The following NAGK variants were observed in gnomAD, a reference collection of about 807,000 sequenced individuals.
The protein encoded by NAGK is N-acetylglucosamine kinase, also known as N-acetyl-D-glucosamine kinase.
Under a neutral mutation model 42.9 loss-of-function variants are expected in NAGK, and 35 were observed. The ratio of observed to expected loss-of-function variants is 0.82; its 90% CI spans 0.62 to 1.08. The LOEUF (loss-of-function observed/expected upper bound fraction) is 1.08, where lower values mean the gene tolerates loss of function less well. Ranked by LOEUF, NAGK falls within the 50% of genes least tolerant of loss-of-function variation. NAGK has a pLI of 0.00. For missense variants in NAGK, 446 were observed against 446.0 expected (o/e 1.00, Z 0.00); for synonymous variants, 172 against 176.0 (o/e 0.98, Z 0.18).
chr2:71,069,125 T>G lies in NAGK; in HGVS notation c.29+413T>G, dbSNP rs2009953. 0.022 allele frequency: 22,253 copies of G among 1,001,496 alleles called. 1,386 individuals are homozygous for G. The East Asian group carries it at 0.46, about 21-fold the overall frequency. 62.0% of individuals were successfully genotyped at this position (1,001,496 alleles called of 1,614,324 possible). A position where few individuals can be genotyped will look rare whatever the true frequency, so the allele number is the denominator to read the frequency against. ...AGTGGGGAGAAGCGGGACAAAGATC[T>G]TGGCTGAGGTTATCCGGGAGCTGGA... On this transcript the variant is annotated intron_variant, in intron 1 of 9. Transcript: ENST00000244204.
At chr2:71,073,673 A>G in intron 6 of NAGK, 79 bp downstream of exon 6, 1 of 1,224,896 alleles carries the variant, frequency 8.2e-7, no homozygotes, top group Non-Finnish European at 1.2e-6. Context: ...GATGCAGGGG[A>G]GGGCCTGGGC....
chr2:71,077,499 G>A (rs1008934039), intron 8 of NAGK, 59 bp from the exon 9 acceptor site: 35 of 1,527,462 alleles, frequency 2.3e-5, no homozygotes, highest in Admixed American at 7.7e-5. Flanking sequence ...GGAAACTCCC[G>A]CCTTCAGCAC....
intron 8 of NAGK, 140 bp from the exon 9 acceptor site, chr2:71,077,417 TC>T (rs748181128): frequency 5.7e-5 from 42 of 731,642 alleles, no homozygotes; most frequent in Non-Finnish European, 9.0e-5. Context: ...CCTTTTTTTT[TC>T]CCCTTTCCTG....
chr2:71,077,527 C>T (rs1420348277), intron 8 of NAGK, 31 bp from the exon 9 acceptor site: 1 of 1,579,524 alleles, frequency 6.3e-7, no homozygotes, highest in Non-Finnish European at 8.6e-7. Context: ...GCTAGGTTGG[C>T]CCCCATATCC....
In NAGK at chr2:71,073,464, C is replaced by T. The variant is rs1386300390; in HGVS notation, c.467-18C>T. On this transcript the variant is annotated intron_variant, in intron 5 of 9. Transcript: ENST00000244204. ...GGATGACTGCTCCCATCTTCTTAGC[C>T]CTCTCTGCTCCCTGCAGCCTACTGG... 1 of 1,574,886 alleles carries T rather than the reference C, an allele frequency of 6.3e-7. No individual in the cohort carries two copies. Among genetic ancestry groups the T allele is most frequent in the Non-Finnish European group, 8.7e-7 (1 of 1,144,460 alleles).
At chr2:71,071,610 A>C (rs908572840) in intron 3 of NAGK, 76 bp from the exon 4 acceptor site, 2 of 1,509,246 alleles carry the variant, frequency 1.3e-6, no homozygotes, top group Non-Finnish European at 1.8e-6. Flanking sequence ...GGAATCAGGC[A>C]TCAGGAGGGG....
At position 71,076,818 on chromosome 2, in the gene NAGK, T is replaced by G. The variant is rs2103719171; in HGVS notation, c.765+117T>G. The G allele has an allele frequency of 3.4e-6, 3 of 881,066 alleles. No individual in the cohort carries two copies. The Admixed American group carries it at 8.0e-5, about 23-fold the overall frequency. The allele number at this position is 881,066 out of a possible 1,614,324, so 54.6% of individuals were successfully genotyped here. A position where few individuals can be genotyped will look rare whatever the true frequency, so the allele number is the denominator to read the frequency against. ...AGATTGGATACTATTTTAAATGAACTTAGGGTCTAAGAAGCATTCTGCAGA... is the reference window on the plus strand; with the variant it reads ...AGATTGGATACTATTTTAAATGAACGTAGGGTCTAAGAAGCATTCTGCAGA... On this transcript the variant is annotated intron_variant, in intron 8 of 9. Coordinates refer to ENST00000244204, the MANE Select transcript of NAGK (RefSeq NM_017567.6).
intron 9 of NAGK, 94 bp downstream of exon 9, chr2:71,077,730 T>C: frequency 3.6e-6 from 5 of 1,378,356 alleles, no homozygotes; most frequent in Non-Finnish European, 5.0e-6. Context: ...GAGAACCTGC[T>C]TCCTGGACCC....
At chr2:71,070,641 A>G (rs548993559) in intron 2 of NAGK, 55 bp downstream of exon 2, 2 of 1,606,488 alleles carry the variant, frequency 1.2e-6, no homozygotes, top group East Asian at 4.5e-5. Context: ...ATTCTCTGTA[A>G]TTCCTGTTGA....
chr2:71,071,974 C>A, intron 4 of NAGK, 147 bp downstream of exon 4: 1 of 1,156,676 alleles, frequency 8.6e-7, no homozygotes, highest in Non-Finnish European at 1.2e-6. Flanking sequence ...TAAGTCTCTG[C>A]CAGAGCAAGG....
chr2:71,077,667 G>T, intron 9 of NAGK, 31 bp downstream of exon 9: 1 of 1,580,114 alleles, frequency 6.3e-7, no homozygotes. Flanking sequence ...GAAGGGCAAG[G>T]GCAGGGGACG....
chr2:71,076,558 TC>T lies in NAGK; in HGVS notation c.668-43del, dbSNP rs749975296. On this transcript the variant is annotated intron_variant, in intron 7 of 9. Coordinates refer to ENST00000244204, the MANE Select transcript of NAGK (RefSeq NM_017567.6). ...GAGAGGATAGCCCAGGAATGGCAGC[TC>T]CCTCCTTTCTCACCAGTTTCCTTCT... The T allele has an allele frequency of 8.8e-6, 13 of 1,469,968 alleles. No individual in the cohort carries two copies. In the East Asian group the frequency reaches 3.0e-4, roughly 34 times the overall value. The allele number at this position is 1,469,968 out of a possible 1,614,324, so 91.1% of individuals were successfully genotyped here.
intron 1 of NAGK, chr2:71,069,159 G>A: frequency 6.3e-6 from 6 of 956,236 alleles, no homozygotes; most frequent in Non-Finnish European, 7.5e-6. Flanking sequence ...GAGCAGCTGC[G>A]AGCCAGAGTA....
chr2:71,070,762 G>A lies in NAGK; in HGVS notation c.136G>A (p.Val46Met), dbSNP rs1671972915. Residue 46 changes from valine (V) to methionine (M), a missense_variant, in exon 3 of 10, where the codon GTG becomes ATG. Physicochemically the swap from Val to Met is conservative, Grantham distance 21. Transcript: ENST00000244204. ...NHWLIGTDKCVERINEMVNRA... is the reference protein window; with the variant it reads ...NHWLIGTDKCMERINEMVNRA... ...CCAGCTGATCGGGACAGACAAGTGTGTGGAGAGGATCAATGAGATGGTGAA... is the reference window on the plus strand; with the variant it reads ...CCAGCTGATCGGGACAGACAAGTGTATGGAGAGGATCAATGAGATGGTGAA... 1 of 1,614,106 alleles carries A rather than the reference G, an allele frequency of 6.2e-7. No individual in the cohort carries two copies. Among genetic ancestry groups the A allele is most frequent in the Non-Finnish European group, 8.5e-7 (1 of 1,180,050 alleles).
At chr2:71,073,827 G>A (rs1478333680) in intron 6 of NAGK, among the ~76,000 whole-genome samples, 1 of 152,164 alleles carries the variant, frequency 6.6e-6, no homozygotes, top group African/African-American at 2.4e-5. Context: ...CGATGGTTTG[G>A]GGACAGGTGA....
chr2:71,068,959 C>A, intron 1 of NAGK: 1 of 1,263,482 alleles, frequency 7.9e-7, no homozygotes. Flanking sequence ...CGGAACCACG[C>A]CCCTTTCTTC....
intron 4 of NAGK, chr2:71,072,362 TG>T (rs1672047646): frequency 2.3e-6 from 1 of 438,310 alleles, no homozygotes; most frequent in East Asian, 4.6e-5. Context: ...GTAGAGTCAC[TG>T]GAAGACCGGC....
At chr2:71,071,043 TG>T in intron 3 of NAGK, 1 of 578,632 alleles carries the variant, frequency 1.7e-6, no homozygotes, top group Non-Finnish European at 3.1e-6. Context: ...CACAGGGCTT[TG>T]GAGAGCTGCT....
rs771235559 is a variant in NAGK at position 71,075,590 on chromosome 2, T to C, written c.615T>C (p.Tyr205=). 6 of 1,614,048 alleles carry C rather than the reference T, an allele frequency of 3.7e-6. No individual in the cohort carries two copies. In the African/African-American group the frequency reaches 4.0e-5, roughly 11 times the overall value. The change falls in exon 7 of 10, where the codon TAT becomes TAC. Residue 205 remains tyrosine, a synonymous_variant. Transcript: ENST00000244204. ...PDRLGILTHL[Y]RDFDKCRFAG... The stretch of plus-strand genomic sequence containing the variant: ...GGCTAGGGATACTCACTCACCTGTA[T>C]AGGGACTTTGATAAATGCAGGTTTG...
Sources: allele counts gnomAD v4.1 joint callset (sites outside exome capture counted in the v4.1 genomes callset), GRCh38; gene constraint gnomAD v4.1.1; transcripts MANE v1.5; gene names NCBI Gene and HGNC (gene_info 2026-07-23, HGNC 2026-07-21).